Variants in BAZ2B observed in about 807,000 individuals in gnomAD.
BAZ2B encodes bromodomain adjacent to zinc finger domain protein 2B.
Under a neutral mutation model 246.0 loss-of-function variants are expected in BAZ2B, and 91 were observed. That is an observed-to-expected ratio of 0.37 (90% CI 0.31 to 0.44). BAZ2B has a LOEUF of 0.44. Ranked by LOEUF, BAZ2B falls within the 20% of genes least tolerant of loss-of-function variation. The pLI is 1.00. For missense variants in BAZ2B, 2,332 were observed against 2,533.7 expected, an observed-to-expected ratio of 0.92 and a Z score of 1.71; for synonymous variants, 855 against 860.0, an observed-to-expected ratio of 0.99 and a Z score of 0.10.
chr2:159,500,536 A>G (rs1224160335), intron 2 of BAZ2B, among the ~76,000 whole-genome samples: 2 of 152,124 alleles, frequency 1.3e-5, no homozygotes, highest in Non-Finnish European at 2.9e-5. Context: ...TAATATTCCT[A>G]GTTTTTATAT....
rs531932994 is a variant in BAZ2B, at chr2:159,526,022, T to C, written c.-3+29801A>G. On this transcript the variant is annotated intron_variant, in intron 2 of 36. Coordinates refer to ENST00000392783, the MANE Select transcript of BAZ2B (RefSeq NM_013450.4). ...TGAGATAATTTAGGCAAAAGTGAGG[T>C]TTTGTACTAAGGTGTGGCAGAAGAG... is the stretch of plus-strand genomic sequence containing the variant. 1.1e-3 allele frequency among the ~76,000 whole-genome samples: 164 copies of C among 152,158 alleles called. 1 individual carries two copies. In the South Asian group the frequency reaches 0.011, roughly 10 times the overall value.
At chr2:159,390,678 T>C (rs963497190) in intron 20 of BAZ2B, among the ~76,000 whole-genome samples, 2 of 152,136 alleles carry the variant, frequency 1.3e-5, no homozygotes, top group Non-Finnish European at 2.9e-5. Flanking sequence ...AAGTACAGTG[T>C]GTTTGAAAAA....
rs1434968344 is a variant in BAZ2B, at chr2:159,336,935, CACTT to C, written c.5796+3_5796+6del. ...AGTTATAATATTTCTTAAATAAAAA[CACTT>C]ACAACTTTCATAATTGATTTTTCCC... On this transcript the variant is annotated splice_donor_5th_base_variant and intron_variant, in intron 33 of 36. Transcript: ENST00000392783. 7 of 1,586,874 alleles carry C rather than the reference CACTT, an allele frequency of 4.4e-6. No individual in the cohort carries two copies. The highest frequency in any genetic ancestry group is 1.1e-5 in the South Asian group (1 of 88,150).
At chr2:159,331,400 C>T (rs1011875825) in intron 34 of BAZ2B, among the ~76,000 whole-genome samples, 1 of 152,190 alleles carries the variant, frequency 6.6e-6, no homozygotes, top group African/African-American at 2.4e-5. Flanking sequence ...TGGAGTCTCA[C>T]TCTGTCACTC....
At chr2:159,364,783 C>T in intron 27 of BAZ2B, among the ~76,000 whole-genome samples, 1 of 152,210 alleles carries the variant, frequency 6.6e-6, no homozygotes, top group East Asian at 1.9e-4. Flanking sequence ...TGACACTATA[C>T]TTACAAGGTC....
chr2:159,515,801 C>T (rs1248915981), intron 2 of BAZ2B, among the ~76,000 whole-genome samples: 6 of 151,842 alleles, frequency 4.0e-5, no homozygotes, highest in Non-Finnish European at 7.4e-5. Context: ...GATCTCTTTG[C>T]TAATTTAAGA....
intron 25 of BAZ2B, among the ~76,000 whole-genome samples, chr2:159,381,070 C>T (rs1018510973): frequency 1.3e-5 from 2 of 152,114 alleles, no homozygotes; most frequent in Non-Finnish European, 2.9e-5. Flanking sequence ...GAACAAGGAG[C>T]CTTGTGGGCT....
In BAZ2B at chr2:159,332,661, T is replaced by A. The variant is rs2148911297; in HGVS notation, c.5822A>T (p.Asp1941Val). 1.9e-6 allele frequency: 3 copies of A among 1,614,010 alleles called. No homozygotes were observed. The highest frequency in any genetic ancestry group is 1.7e-5 in the Admixed American group (1 of 59,998). Residue 1941 changes from aspartate to valine, a missense_variant, in exon 34 of 37, where the codon GAT (aspartate) becomes GTT (valine). Physicochemically the swap from Asp to Val is radical, Grantham distance 152. Transcript: ENST00000392783. Reference protein sequence around the residue: ...KVYCQICRKGDNEELLLLCDG... With the variant: ...KVYCQICRKGVNEELLLLCDG... ...ACAAAGAAGAAGCAGTTCTTCATTATCTCCCTTTCGACAGATTTGGCAGTA... is the reference window on the plus strand; with the variant it reads ...ACAAAGAAGAAGCAGTTCTTCATTAACTCCCTTTCGACAGATTTGGCAGTA...
intron 20 of BAZ2B, among the ~76,000 whole-genome samples, chr2:159,391,774 A>G (rs915610539): frequency 1.4e-5 from 1 of 73,542 alleles, no homozygotes; most frequent in Non-Finnish European, 5.3e-5. Flanking sequence ...TGCAAAAGTC[A>G]TATCGATATT....
At chr2:159,394,149 A>C (rs145502129) in intron 20 of BAZ2B, among the ~76,000 whole-genome samples, 4 of 151,952 alleles carry the variant, frequency 2.6e-5, no homozygotes, top group African/African-American at 7.3e-5. Flanking sequence ...AAAACAAAAC[A>C]AAACCCATGA....
In BAZ2B at chr2:159,519,996, T is replaced by C. The variant is rs1461656446; in HGVS notation, c.-3+35827A>G. Among the ~76,000 whole-genome samples the C allele has an allele frequency of 3.3e-5, 5 of 151,952 alleles. No individual in the cohort carries two copies. In the East Asian group the frequency reaches 9.7e-4, roughly 29 times the overall value. ...TGTCTTCACATTCAGTTTGCATCAA[T>C]TTAGATTCATATTTGCATACTTTTA... On this transcript the variant is annotated intron_variant, in intron 2 of 36. Transcript: ENST00000392783.
upstream of BAZ2B, among the ~76,000 whole-genome samples, chr2:159,617,469 C>T (rs1297967447): frequency 2.0e-5 from 3 of 148,446 alleles, no homozygotes; most frequent in Non-Finnish European, 4.5e-5. Flanking sequence ...CAAGAAGATA[C>T]GTATTTTTTT....
At chr2:159,434,045 C>T (rs1003827102) in intron 8 of BAZ2B, 3 of 152,206 alleles carry the variant, frequency 2.0e-5, no homozygotes, top group African/African-American at 7.2e-5. Flanking sequence ...TGACCAGGAG[C>T]TGTGGCTCAC....
chr2:159,438,898 G>C, intron 7 of BAZ2B, 111 bp downstream of exon 7: 2 of 1,277,446 alleles, frequency 1.6e-6, no homozygotes, highest in Non-Finnish European at 2.2e-6. Context: ...GCAAAAGTAT[G>C]AACTCAAAGT....
chr2:159,343,883 G>A (rs2067219175), intron 31 of BAZ2B, among the ~76,000 whole-genome samples: 1 of 151,864 alleles, frequency 6.6e-6, no homozygotes, highest in African/African-American at 2.4e-5. Context: ...AAAATTAGCT[G>A]GGTGTGGTGG....
At chr2:159,571,167 T>A (rs1447092927) in intron 1 of BAZ2B, among the ~76,000 whole-genome samples, 1 of 152,242 alleles carries the variant, frequency 6.6e-6, no homozygotes, top group African/African-American at 2.4e-5. Flanking sequence ...ATTTTCTTTT[T>A]ATCAATTTGT....
chr2:159,469,927 C>A (rs949622681), intron 3 of BAZ2B, among the ~76,000 whole-genome samples: 6 of 151,946 alleles, frequency 3.9e-5, no homozygotes, highest in Admixed American at 1.3e-4. Context: ...GGAATCTTAC[C>A]CACTCATTTC....
At chr2:159,341,426 A>G (rs1013471543) in intron 31 of BAZ2B, among the ~76,000 whole-genome samples, 1 of 152,206 alleles carries the variant, frequency 6.6e-6, no homozygotes, top group African/African-American at 2.4e-5. Context: ...TCCTAATATG[A>G]TAATGGCTGG....
chr2:159,395,924 A>C (rs1283770541), intron 19 of BAZ2B, 90 bp from the exon 20 acceptor site: 3 of 1,155,304 alleles, frequency 2.6e-6, no homozygotes, highest in Non-Finnish European at 3.7e-6. Flanking sequence ...AACAAAACAA[A>C]AACTCAGTAT....
Sources: gnomAD v4.1 joint callset for allele counts (sites outside exome capture counted in the v4.1 genomes callset) on GRCh38, gnomAD v4.1.1 for gene constraint, MANE v1.5 for transcripts, NCBI Gene and HGNC (gene_info 2026-07-23, HGNC 2026-07-21) for gene names.